The following ASTN1 variants were observed in gnomAD, a reference collection of about 807,000 sequenced individuals.
ASTN1 encodes the protein astrotactin 1.
Under a neutral mutation model 140.7 loss-of-function variants are expected in ASTN1, and 41 were observed. The observed-to-expected ratio is 0.29, with a 90% confidence interval of 0.23 to 0.38. The LOEUF (loss-of-function observed/expected upper bound fraction) is 0.38, where lower values mean the gene tolerates loss of function less well. ASTN1 is among the 10% of genes least tolerant of loss of function. The probability of loss-of-function intolerance (pLI) is 1.00; values close to 1 mark genes in which losing one functional copy is unlikely to be tolerated. For synonymous variants in ASTN1, 640 were observed against 652.2 expected, an observed-to-expected ratio of 0.98 and a Z score of 0.29; for missense variants, 1,479 against 1,678.8, an observed-to-expected ratio of 0.88 and a Z score of 2.08.
At chr1:176,907,590 GA>G (rs1670055089) in intron 16 of ASTN1, among the ~76,000 whole-genome samples, 1 of 152,240 alleles carries the variant, frequency 6.6e-6, no homozygotes, top group African/African-American at 2.4e-5. Flanking sequence ...ATGCAAGTCA[GA>G]AAACTTTTAT....
At chr1:177,035,321 T>A (rs759335571) in intron 2 of ASTN1, among the ~76,000 whole-genome samples, 2 of 152,190 alleles carry the variant, frequency 1.3e-5, no homozygotes, top group African/African-American at 4.8e-5. Flanking sequence ...CTGGCATCTA[T>A]CTTGCACAAC....
chr1:176,958,953 G>A (rs1470683046), intron 9 of ASTN1, among the ~76,000 whole-genome samples: 1 of 152,170 alleles, frequency 6.6e-6, no homozygotes, highest in Non-Finnish European at 1.5e-5. Flanking sequence ...CAGCTTCTGT[G>A]TGATGGGAAC....
At chr1:176,990,881 C>A (rs1045264373) in intron 8 of ASTN1, among the ~76,000 whole-genome samples, 1 of 152,186 alleles carries the variant, frequency 6.6e-6, no homozygotes, top group African/African-American at 2.4e-5. Flanking sequence ...GCTATATTCT[C>A]TAAACAACCT....
chr1:176,977,783 C>A (rs1258513999), intron 8 of ASTN1, among the ~76,000 whole-genome samples: 1 of 152,162 alleles, frequency 6.6e-6, no homozygotes, highest in Non-Finnish European at 1.5e-5. Context: ...AGCAGCAGAG[C>A]CAGGGCTCAA....
At chr1:176,917,529 CA>C (rs1670540045) in intron 16 of ASTN1, among the ~76,000 whole-genome samples, 1 of 152,110 alleles carries the variant, frequency 6.6e-6, no homozygotes, top group Admixed American at 6.5e-5. Flanking sequence ...GGCAGTGGGA[CA>C]AGCCTCTGGA....
chr1:176,898,555 C>T (rs1669626710), intron 16 of ASTN1, among the ~76,000 whole-genome samples: 1 of 152,164 alleles, frequency 6.6e-6, no homozygotes, highest in Non-Finnish European at 1.5e-5. Flanking sequence ...GATAAATCTC[C>T]CTTAGCCCAA....
intron 8 of ASTN1, among the ~76,000 whole-genome samples, chr1:177,008,580 AAAG>A (rs1007910834): frequency 2.0e-5 from 3 of 150,368 alleles, no homozygotes; most frequent in South Asian, 2.1e-4. Flanking sequence ...GAAGAGAGAG[AAAG>A]AAGAAGGAGG....
intron 16 of ASTN1, among the ~76,000 whole-genome samples, chr1:176,928,705 G>A (rs1413995463): frequency 6.6e-6 from 1 of 152,182 alleles, no homozygotes; most frequent in Non-Finnish European, 1.5e-5. Flanking sequence ...TCTTAGTCCT[G>A]GACCCATGTT....
At chr1:176,892,968 G>C (rs1483761549) in intron 17 of ASTN1, among the ~76,000 whole-genome samples, 1 of 152,196 alleles carries the variant, frequency 6.6e-6, no homozygotes, top group African/African-American at 2.4e-5. Flanking sequence ...TGGCCAGATG[G>C]AAAGCATTTC....
intron 1 of ASTN1, among the ~76,000 whole-genome samples, chr1:177,149,231 TAA>T (rs542412316): frequency 0.046 from 3,936 of 85,536 alleles, 960 homozygotes; most frequent in African/African-American, 0.22. Flanking sequence ...ATATATATAG[TAA>T]ATATATATAT....
intron 11 of ASTN1, among the ~76,000 whole-genome samples, chr1:176,953,830 G>A (rs2103123557): frequency 6.6e-6 from 1 of 152,290 alleles, no homozygotes; most frequent in East Asian, 1.9e-4. Flanking sequence ...CCCCTTCCAT[G>A]GCACAGGCTG....
At chr1:177,009,426 G>A (rs1302706789) in intron 8 of ASTN1, among the ~76,000 whole-genome samples, 1 of 152,202 alleles carries the variant, frequency 6.6e-6, no homozygotes, top group East Asian at 1.9e-4. Context: ...GCAAGACAGA[G>A]GAGCTGAGGC....
At chr1:177,047,107 G>A (rs765175737) in intron 2 of ASTN1, among the ~76,000 whole-genome samples, 5 of 152,154 alleles carry the variant, frequency 3.3e-5, no homozygotes, top group Non-Finnish European at 7.3e-5. Context: ...TACACTCAGG[G>A]GAGATAGGCT....
intron 20 of ASTN1, 136 bp from the exon 21 acceptor site, chr1:176,876,773 T>G (rs1668584684): frequency 2.6e-6 from 2 of 775,804 alleles, no homozygotes; most frequent in South Asian, 1.8e-5. Context: ...CTGGGTCACG[T>G]TTACTGCCAC....
At chr1:176,925,574 C>T (rs906665408) in intron 16 of ASTN1, among the ~76,000 whole-genome samples, 2 of 152,020 alleles carry the variant, frequency 1.3e-5, no homozygotes. Flanking sequence ...AAAATAAATC[C>T]CACAACACTC....
chr1:176,892,591 T>C (rs757570159), intron 17 of ASTN1, among the ~76,000 whole-genome samples: 2 of 152,242 alleles, frequency 1.3e-5, no homozygotes, highest in East Asian at 3.9e-4. Context: ...GTTCATTATA[T>C]GGTTTGACCT....
Position 177,164,258 on chromosome 1 carries a change from G to C in ASTN1, c.283+136C>G, listed in dbSNP as rs1647567297. The C allele has an allele frequency of 5.1e-6, 5 of 988,900 alleles. No homozygotes were observed. In the South Asian group the frequency reaches 6.9e-5, roughly 14 times the overall value. The allele number at this position is 988,900 out of a possible 1,614,324, so 61.3% of individuals were successfully genotyped here. On this transcript the variant is annotated intron_variant, in intron 1 of 22. Transcript: ENST00000361833. ...TGCAAGTGGGTGTGGAGAATGGTCC[G>C]GGAGTGGGGCGGATCCGGGAGGTAG...
intron 2 of ASTN1, among the ~76,000 whole-genome samples, chr1:177,055,977 C>T (rs1400237269): frequency 6.6e-6 from 1 of 152,202 alleles, no homozygotes; most frequent in Non-Finnish European, 1.5e-5. Context: ...GTGACTGCCA[C>T]ACTTGGAACT....
chr1:176,991,436 C>CAAAAAAAAAAAAAAAAAAA (rs1173420812), intron 8 of ASTN1, among the ~76,000 whole-genome samples: 7 of 13,818 alleles, frequency 5.1e-4, no homozygotes, highest in East Asian at 2.9e-3. Flanking sequence ...AAAAAAAAAC[C>CAAAAAAAAAAAAAAAAAAA]AAAAAAAAAA....
Sources: gnomAD v4.1 joint callset for allele counts (sites outside exome capture counted in the v4.1 genomes callset) on GRCh38, gnomAD v4.1.1 for gene constraint, MANE v1.5 for transcripts, NCBI Gene and HGNC (gene_info 2026-07-23, HGNC 2026-07-21) for gene names.